Variants in TP63 observed in about 807,000 individuals in gnomAD.
The protein encoded by TP63 is tumor protein 63.
A neutral mutation model predicts 82.8 loss-of-function variants in TP63; 17 were observed. The ratio of observed to expected loss-of-function variants is 0.21; its 90% CI spans 0.14 to 0.31. The LOEUF is 0.31. Ranked by LOEUF, TP63 falls within the 10% of genes least tolerant of loss-of-function variation. The pLI is 1.00. For synonymous variants in TP63, 330 were observed against 321.7 expected (o/e 1.03, Z -0.28); for missense variants, 648 against 895.3 (o/e 0.72, Z 3.52).
intron 6 of TP63, 118 bp from the exon 7 acceptor site, chr3:189,867,715 T>A: frequency 1.0e-6 from 1 of 954,230 alleles, no homozygotes; most frequent in Non-Finnish European, 1.6e-6. Flanking sequence ...TTTGCCCTTT[T>A]AGGAGGAAGC....
At chr3:189,779,133 A>G (rs1202958341) in intron 3 of TP63, among the ~76,000 whole-genome samples, 1 of 152,148 alleles carries the variant, frequency 6.6e-6, no homozygotes, top group Non-Finnish European at 1.5e-5. Context: ...GTTTCCCTTT[A>G]CTTTTAAGCA....
intron 1 of TP63, among the ~76,000 whole-genome samples, chr3:189,688,485 ACCTCTGTGTCCT>A (rs780937676): frequency 1.3e-5 from 2 of 152,054 alleles, no homozygotes; most frequent in Non-Finnish European, 2.9e-5. Context: ...TCACTACAAT[ACCTCTGTGTCCT>A]AGAAACAGCT....
At chr3:189,886,982 G>A (rs538287019) in intron 11 of TP63, among the ~76,000 whole-genome samples, 1 of 152,258 alleles carries the variant, frequency 6.6e-6, no homozygotes, top group Non-Finnish European at 1.5e-5. Flanking sequence ...GCCGAGGCGG[G>A]AGGATCACTT....
rs192733191 is a variant in TP63 at position 189,860,362 on chromosome 3, A to G, written c.580-3870A>G. Among the ~76,000 whole-genome samples the G allele has an allele frequency of 2.0e-5, 3 of 152,294 alleles. No homozygotes were observed. The East Asian group carries it at 5.8e-4, about 29-fold the overall frequency. On this transcript the variant is annotated intron_variant, in intron 4 of 13. Transcript: ENST00000264731. ...ATGTTCCAATCTTGCAGAAGCCGGG[A>G]AAATTGGAGATGATGGTGCTATTTT... is the stretch of plus-strand genomic sequence containing the variant.
intron 4 of TP63, among the ~76,000 whole-genome samples, chr3:189,820,410 G>A (rs1300563341): frequency 1.3e-5 from 2 of 152,162 alleles, no homozygotes; most frequent in African/African-American, 2.4e-5. Context: ...GTTTCTCCTT[G>A]CACAAGCATG....
chr3:189,613,710 C>G, the TP63 span, among the ~76,000 whole-genome samples: 41 of 152,302 alleles, frequency 2.7e-4, no homozygotes, highest in Non-Finnish European at 4.6e-4. Context: ...CCCTGCAAAA[C>G]CACAGGGGTG....
chr3:189,726,487 T>A (rs1180502721), intron 1 of TP63, among the ~76,000 whole-genome samples: 1 of 152,192 alleles, frequency 6.6e-6, no homozygotes, highest in Non-Finnish European at 1.5e-5. Flanking sequence ...TACTGAAGTA[T>A]TCCAGGTTTG....
intron 13 of TP63, 24 bp from the exon 14 acceptor site, chr3:189,894,182 A>G (rs1195990424): frequency 6.8e-6 from 11 of 1,613,972 alleles, no homozygotes; most frequent in Admixed American, 6.7e-5. Context: ...TTCATTCTCC[A>G]TGACACCTTC....
At chr3:189,793,381 CA>C (rs1725358571) in intron 3 of TP63, among the ~76,000 whole-genome samples, 1 of 151,856 alleles carries the variant, frequency 6.6e-6, no homozygotes, top group Admixed American at 6.6e-5. Context: ...CTAGAGCAAC[CA>C]AAAAAATATT....
intron 3 of TP63, among the ~76,000 whole-genome samples, chr3:189,785,169 AGATACTATACTTT>A (rs1165324024): frequency 6.6e-6 from 1 of 151,968 alleles, no homozygotes; most frequent in Non-Finnish European, 1.5e-5. Flanking sequence ...CTTCTATTTT[AGATACTATACTTT>A]GATTTTTACA....
At chr3:189,860,452 C>A (rs1296456506) in intron 4 of TP63, among the ~76,000 whole-genome samples, 7 of 151,938 alleles carry the variant, frequency 4.6e-5, no homozygotes, top group Admixed American at 4.6e-4. Flanking sequence ...GGAGACTGAA[C>A]TTAGTACTGG....
chr3:189,838,141 C>A (rs1399215722), intron 4 of TP63, among the ~76,000 whole-genome samples: 1 of 151,760 alleles, frequency 6.6e-6, no homozygotes, highest in Non-Finnish European at 1.5e-5. Flanking sequence ...GTTTCCTGAG[C>A]CCCCCTCCCT....
chr3:189,887,396 C>T (rs1253483875), intron 11 of TP63, among the ~76,000 whole-genome samples: 1 of 152,120 alleles, frequency 6.6e-6, no homozygotes, highest in Non-Finnish European at 1.5e-5. Context: ...TATTCTATCC[C>T]AGACACAGTC....
At chr3:189,732,303 C>G (rs537173867) in intron 1 of TP63, among the ~76,000 whole-genome samples, 118 of 152,254 alleles carry the variant, frequency 7.8e-4, no homozygotes, top group Middle Eastern at 3.4e-3. Context: ...CCTTGAAGCC[C>G]TGAGAGGAGT....
At chr3:189,887,320 A>T (rs913271803) in intron 11 of TP63, among the ~76,000 whole-genome samples, 7 of 152,164 alleles carry the variant, frequency 4.6e-5, no homozygotes, top group African/African-American at 1.7e-4. Context: ...TATCCATAAA[A>T]TTGTCACTAT....
At chr3:189,799,485 C>T (rs1338383433) in intron 3 of TP63, among the ~76,000 whole-genome samples, 6 of 151,890 alleles carry the variant, frequency 4.0e-5, no homozygotes, top group African/African-American at 1.2e-4. Context: ...TAGGTGCATT[C>T]GAAACAAAAC....
the TP63 span, among the ~76,000 whole-genome samples, chr3:189,609,424 A>C: frequency 6.6e-6 from 1 of 152,044 alleles, no homozygotes; most frequent in African/African-American, 2.4e-5. Context: ...TTGAGGGTAC[A>C]TGTGAAGGTT....
At chr3:189,621,188 C>T in the TP63 span, among the ~76,000 whole-genome samples, 1 of 152,224 alleles carries the variant, frequency 6.6e-6, no homozygotes, top group African/African-American at 2.4e-5. Context: ...ATATTCTTTT[C>T]ACTCCATAAT....
At chr3:189,677,554 A>G (rs1336292494) in intron 1 of TP63, among the ~76,000 whole-genome samples, 2 of 151,628 alleles carry the variant, frequency 1.3e-5, no homozygotes, top group Non-Finnish European at 2.9e-5. Flanking sequence ...GCCACAGTCA[A>G]TGTACAAATG....
Sources: gnomAD v4.1 joint callset for allele counts (sites outside exome capture counted in the v4.1 genomes callset) on GRCh38, gnomAD v4.1.1 for gene constraint, MANE v1.5 for transcripts, NCBI Gene and HGNC (gene_info 2026-07-23, HGNC 2026-07-21) for gene names.